The following TNRC6B variants were observed in gnomAD, a reference collection of about 807,000 sequenced individuals.
TNRC6B encodes the protein trinucleotide repeat containing adaptor 6B, also known as trinucleotide repeat-containing gene 6B protein.
In TNRC6B, 52 loss-of-function variants were observed where a neutral mutation model predicts 203.6. The ratio of observed to expected loss-of-function variants is 0.26; its 90% CI spans 0.20 to 0.32. The LOEUF is 0.32. TNRC6B is among the 10% of genes least tolerant of loss of function. The pLI, the probability that TNRC6B is intolerant of heterozygous loss-of-function variation, is 1.00. For missense variants in TNRC6B, 1,923 were observed against 2,286.2 expected (o/e 0.84, Z 3.24); for synonymous variants, 838 against 845.7 (o/e 0.99, Z 0.16).
intron 1 of TNRC6B, among the ~76,000 whole-genome samples, chr22:40,069,236 G>T (rs948217980): frequency 1.3e-5 from 2 of 151,898 alleles, no homozygotes; most frequent in Admixed American, 6.6e-5. Flanking sequence ...TGAGTAGTTG[G>T]GATCACAGGT....
At chr22:40,239,782 C>CT (rs2070002488) in intron 1 of TNRC6B, among the ~76,000 whole-genome samples, 1 of 152,202 alleles carries the variant, frequency 6.6e-6, no homozygotes, top group Admixed American at 6.5e-5. Context: ...GCGGGGCAGT[C>CT]TTGTTATGCC....
At chr22:40,125,878 A>G (rs1568990727) in intron 3 of TNRC6B, 1 of 1,610,364 alleles carries the variant, frequency 6.2e-7, no homozygotes, top group Admixed American at 1.7e-5. Context: ...TAAATTACTG[A>G]AAGGTACAGT....
intron 1 of TNRC6B, among the ~76,000 whole-genome samples, chr22:40,199,660 A>G (rs1287223654): frequency 6.6e-6 from 1 of 152,134 alleles, no homozygotes; most frequent in African/African-American, 2.4e-5. Context: ...TCTTTTTACT[A>G]TAAAGGCTAT....
Position 40,330,699 on chromosome 22 carries a change from TAAGTA to T in TNRC6B, c.*7459_*7463del, listed in dbSNP as rs1334580902. ...TTTAAATTTTGTCTAAGGAATTACT[TAAGTA>T]TAGTATTTCTGAATGTGCCTTTGTG... On this transcript the variant is annotated 3_prime_UTR_variant, in exon 23 of 23. Coordinates refer to ENST00000454349, the MANE Select transcript of TNRC6B (RefSeq NM_001162501.2). The T allele has an allele frequency of 6.6e-6, 1 of 152,628 alleles. No homozygotes were observed. The highest frequency in any genetic ancestry group is 1.5e-5 in the Non-Finnish European group (1 of 68,036). 9.5% of individuals were successfully genotyped at this position (152,628 alleles called of 1,614,324 possible).
At chr22:40,148,382 C>T (rs992382646) in intron 3 of TNRC6B, among the ~76,000 whole-genome samples, 26 of 150,672 alleles carry the variant, frequency 1.7e-4, no homozygotes, top group African/African-American at 5.4e-4. Flanking sequence ...CTCCCGGGTT[C>T]AAGCAATTCT....
chr22:40,197,730 G>A (rs890484064), intron 1 of TNRC6B, among the ~76,000 whole-genome samples: 11 of 150,970 alleles, frequency 7.3e-5, no homozygotes, highest in East Asian at 1.9e-4. Context: ...TCTCAGCCAC[G>A]CAAGTAATTG....
intron 1 of TNRC6B, among the ~76,000 whole-genome samples, chr22:40,052,569 A>G (rs1317157680): frequency 1.4e-5 from 2 of 138,486 alleles, no homozygotes; most frequent in Admixed American, 8.2e-5. Flanking sequence ...CAGTCCTCCC[A>G]CCTCAGCCTC....
At chr22:40,176,718 ATTC>A (rs1569008747), upstream of TNRC6B, among the ~76,000 whole-genome samples, 1 of 152,200 alleles carries the variant, frequency 6.6e-6, no homozygotes, top group Non-Finnish European at 1.5e-5. Context: ...TGTTAAGCAC[ATTC>A]TTTCATAAAT....
At chr22:40,083,526 TA>T (rs2068077610) in intron 1 of TNRC6B, among the ~76,000 whole-genome samples, 1 of 151,974 alleles carries the variant, frequency 6.6e-6, no homozygotes, top group Non-Finnish European at 1.5e-5. Context: ...AAAAATGGAG[TA>T]TTAGCTGAAG....
At chr22:40,074,204 C>T (rs1179621528) in intron 1 of TNRC6B, among the ~76,000 whole-genome samples, 1 of 148,280 alleles carries the variant, frequency 6.7e-6, no homozygotes, top group African/African-American at 2.5e-5. Context: ...TGCTCTCCAG[C>T]CTCGGTGACA....
At chr22:40,258,126 A>T (rs2070313349) in intron 3 of TNRC6B, among the ~76,000 whole-genome samples, 2 of 77,940 alleles carry the variant, frequency 2.6e-5, no homozygotes. Context: ...TTATTTCCCT[A>T]TAGTACTGAG....
At chr22:40,152,713 C>T (rs529643087) in intron 3 of TNRC6B, among the ~76,000 whole-genome samples, 28 of 152,200 alleles carry the variant, frequency 1.8e-4, no homozygotes, top group African/African-American at 6.5e-4. Context: ...CCTTGTGATC[C>T]GCCTGCCTCA....
chr22:40,114,775 C>T (rs1314174965), intron 1 of TNRC6B, among the ~76,000 whole-genome samples: 1 of 152,138 alleles, frequency 6.6e-6, no homozygotes, highest in Non-Finnish European at 1.5e-5. Context: ...GAGTGGTTCA[C>T]AGTTTTACTG....
intron 1 of TNRC6B, among the ~76,000 whole-genome samples, chr22:40,222,945 C>T (rs1375194561): frequency 6.6e-6 from 1 of 151,764 alleles, no homozygotes; most frequent in Non-Finnish European, 1.5e-5. Flanking sequence ...TGGGGTTTCA[C>T]CACGTCACCC....
chr22:40,056,890 A>C (rs892104387), intron 1 of TNRC6B, among the ~76,000 whole-genome samples: 1 of 152,188 alleles, frequency 6.6e-6, no homozygotes, highest in Non-Finnish European at 1.5e-5. Flanking sequence ...AGTTGCTTGA[A>C]TAGAGATGGT....
chr22:40,280,165 A>G lies in TNRC6B; in HGVS notation c.3411+22A>G, dbSNP rs531491905. 4.7e-5 allele frequency: 75 copies of G among 1,604,256 alleles called. 2 individuals carry two copies. The South Asian group carries it at 8.0e-4, about 17-fold the overall frequency. ...GAAGGTGAGTTGAATCCTTTGTTTA[A>G]GATAATAATTCATGAGAACCGCTTT... On this transcript the variant is annotated intron_variant, in intron 10 of 22. Transcript: ENST00000454349.
At chr22:40,073,907 AC>A (rs2067978815) in intron 1 of TNRC6B, among the ~76,000 whole-genome samples, 1 of 152,052 alleles carries the variant, frequency 6.6e-6, no homozygotes, top group African/African-American at 2.4e-5. Flanking sequence ...AAAACAAAAA[AC>A]AATACAAAAA....
chr22:40,151,272 A>G (rs1372365096), intron 3 of TNRC6B, among the ~76,000 whole-genome samples: 1 of 152,110 alleles, frequency 6.6e-6, no homozygotes, highest in African/African-American at 2.4e-5. Flanking sequence ...CTCTGTCTCA[A>G]AAATAAATAG....
intron 1 of TNRC6B, among the ~76,000 whole-genome samples, chr22:40,085,878 T>A (rs1649571642): frequency 6.6e-6 from 1 of 151,908 alleles, no homozygotes; most frequent in Non-Finnish European, 1.5e-5. Context: ...GTTGTTGTTG[T>A]TGTTGTTGTT....
Sources: gnomAD v4.1 joint callset for allele counts (sites outside exome capture counted in the v4.1 genomes callset) on GRCh38, gnomAD v4.1.1 for gene constraint, MANE v1.5 for transcripts, NCBI Gene and HGNC (gene_info 2026-07-23, HGNC 2026-07-21) for gene names.